Variants in AGMO observed in about 807,000 individuals in gnomAD.
AGMO encodes the protein glyceryl-ether monooxygenase.
A neutral mutation model predicts 60.2 loss-of-function variants in AGMO; 75 were observed. The ratio of observed to expected loss-of-function variants is 1.25; its 90% confidence interval spans 1.03 to 1.51. The LOEUF is 1.51. AGMO is among the 40% of genes most tolerant of loss of function. The probability of loss-of-function intolerance (pLI) is 0.00; values close to 1 mark genes in which losing one functional copy is unlikely to be tolerated. For synonymous variants in AGMO, 261 were observed against 177.1 expected, an observed-to-expected ratio of 1.47 and a Z score of -3.76; for missense variants, 763 against 525.5, an observed-to-expected ratio of 1.45 and a Z score of -4.42.
chr7:15,197,553 G>C (rs956081550), downstream of AGMO, among the ~76,000 whole-genome samples: 14 of 152,226 alleles, frequency 9.2e-5, no homozygotes, highest in African/African-American at 3.4e-4. Context: ...GATGGAATGA[G>C]ATGATATGGA....
intron 12 of AGMO, among the ~76,000 whole-genome samples, chr7:15,345,558 T>G (rs543975721): frequency 6.6e-6 from 1 of 152,362 alleles, no homozygotes; most frequent in Non-Finnish European, 1.5e-5. Flanking sequence ...AATTACTATT[T>G]TATTTGATCC....
chr7:15,122,899 T>G, the AGMO span, among the ~76,000 whole-genome samples: 50 of 152,064 alleles, frequency 3.3e-4, 1 homozygote, highest in Non-Finnish European at 6.6e-4. Flanking sequence ...TATAATCATG[T>G]CACTACTCTC....
the AGMO span, among the ~76,000 whole-genome samples, chr7:15,185,275 A>G: frequency 6.6e-6 from 1 of 152,168 alleles, no homozygotes; most frequent in South Asian, 2.1e-4. Context: ...AATATAAACT[A>G]AAAGATATAA....
At chr7:15,232,144 G>T (rs1563046229) in intron 12 of AGMO, among the ~76,000 whole-genome samples, 1 of 152,094 alleles carries the variant, frequency 6.6e-6, no homozygotes, top group Non-Finnish European at 1.5e-5. Flanking sequence ...CTATTAAAGA[G>T]ATCTTTTCAA....
chr7:15,394,115 T>G lies in AGMO; in HGVS notation c.674A>C (p.His225Pro). Residue 225 changes from histidine (H) to proline (P), a missense_variant and splice_region_variant, in exon 6 of 13, where the codon CAT (histidine) becomes CCT (proline). Coordinates refer to ENST00000342526, the MANE Select transcript of AGMO (RefSeq NM_001004320.2). ...GAGAAGAAACAAAACTTCCTTACCA[T>G]GATGAACCCTATGATGGCTAGGAGT... ...LNTPSHHRVH[H>P]GRNRYCIDKN... 6.2e-7 allele frequency: 1 copy of G among 1,609,356 alleles called. No individual in the cohort carries two copies. The highest frequency in any genetic ancestry group is 8.5e-7 in the Non-Finnish European group (1 of 1,176,472).
intron 3 of AGMO, among the ~76,000 whole-genome samples, chr7:15,533,747 G>A (rs559371063): frequency 2.6e-5 from 4 of 152,234 alleles, no homozygotes; most frequent in Non-Finnish European, 4.4e-5. Context: ...CAGATTTCTT[G>A]TTGATTTAAC....
At chr7:15,401,015 C>A (rs539753425) in intron 5 of AGMO, among the ~76,000 whole-genome samples, 7 of 151,836 alleles carry the variant, frequency 4.6e-5, no homozygotes, top group Non-Finnish European at 8.8e-5. Context: ...ATCTAGGTGA[C>A]CAGTCTGAAA....
intron 12 of AGMO, among the ~76,000 whole-genome samples, chr7:15,243,936 T>G (rs1426341945): frequency 6.6e-6 from 1 of 152,166 alleles, no homozygotes; most frequent in Non-Finnish European, 1.5e-5. Flanking sequence ...TGTTTTAATA[T>G]GGAATGATCT....
intron 3 of AGMO, among the ~76,000 whole-genome samples, chr7:15,461,773 G>C (rs1409015582): frequency 6.6e-6 from 1 of 152,034 alleles, no homozygotes; most frequent in African/African-American, 2.4e-5. Context: ...GGGCTGAAAA[G>C]CCACATATTT....
intron 3 of AGMO, among the ~76,000 whole-genome samples, chr7:15,491,408 C>T (rs914319792): frequency 4.6e-5 from 7 of 152,070 alleles, no homozygotes; most frequent in Non-Finnish European, 7.4e-5. Context: ...ATTCTAGTTG[C>T]CCTCCATTAG....
the AGMO span, among the ~76,000 whole-genome samples, chr7:15,130,179 C>T: frequency 6.6e-6 from 1 of 151,978 alleles, no homozygotes; most frequent in Admixed American, 6.6e-5. Flanking sequence ...GTCCACCCAG[C>T]TTTGTTTAGA....
At chr7:15,510,041 A>C (rs756208691) in intron 3 of AGMO, among the ~76,000 whole-genome samples, 96 of 152,190 alleles carry the variant, frequency 6.3e-4, no homozygotes, top group Non-Finnish European at 1.2e-3. Flanking sequence ...CTACCACATG[A>C]TACAGCAACC....
At chr7:15,284,377 G>C (rs76824027) in intron 12 of AGMO, among the ~76,000 whole-genome samples, 4,859 of 151,946 alleles carry the variant, frequency 0.032, 258 homozygotes, top group African/African-American at 0.11. Flanking sequence ...GATTAAAAAT[G>C]AAAATGAAGA....
intron 10 of AGMO, among the ~76,000 whole-genome samples, chr7:15,370,103 T>C (rs998636702): frequency 2.0e-5 from 3 of 152,176 alleles, no homozygotes; most frequent in Non-Finnish European, 4.4e-5. Context: ...GTCATCTTTA[T>C]GTCCAGGGTA....
At chr7:15,197,472 G>C (rs1781148730), downstream of AGMO, among the ~76,000 whole-genome samples, 1 of 152,188 alleles carries the variant, frequency 6.6e-6, no homozygotes, top group Admixed American at 6.5e-5. Context: ...TCTGATTCAT[G>C]ATTAGGAATG....
intron 10 of AGMO, among the ~76,000 whole-genome samples, chr7:15,378,926 C>T (rs1414714780): frequency 6.6e-6 from 1 of 152,042 alleles, no homozygotes; most frequent in Non-Finnish European, 1.5e-5. Context: ...TTTCAGACCA[C>T]AGCACAATTA....
intron 3 of AGMO, among the ~76,000 whole-genome samples, chr7:15,514,444 C>A (rs187037338): frequency 1.0e-3 from 157 of 152,260 alleles, no homozygotes; most frequent in African/African-American, 3.7e-3. Context: ...TTCATTTAAT[C>A]TCACCAAACG....
At chr7:15,339,338 A>G (rs1450620404) in intron 12 of AGMO, among the ~76,000 whole-genome samples, 1 of 152,174 alleles carries the variant, frequency 6.6e-6, no homozygotes, top group Non-Finnish European at 1.5e-5. Context: ...ATCCAAATGG[A>G]ATGCTGTCAT....
At position 15,261,963 on chromosome 7, in the gene AGMO, C is replaced by G. The variant is rs10236559; in HGVS notation, c.1264-60604G>C. On this transcript the variant is annotated intron_variant, in intron 12 of 12. Transcript: ENST00000342526. ...TCCAGCATCCCATTATGATTAAACCCTCAGAAAAACCAGCATAGAAGGGAC... is the reference window on the plus strand; with the variant it reads ...TCCAGCATCCCATTATGATTAAACCGTCAGAAAAACCAGCATAGAAGGGAC... Among the ~76,000 whole-genome samples, 967 of 152,014 alleles carry G rather than the reference C, an allele frequency of 6.4e-3. 8 individuals carry two copies. The highest frequency in any genetic ancestry group is 0.022 in the African/African-American group (916 of 41,492).
Sources: allele counts gnomAD v4.1 joint callset (sites outside exome capture counted in the v4.1 genomes callset), GRCh38; gene constraint gnomAD v4.1.1; transcripts MANE v1.5; gene names NCBI Gene and HGNC (gene_info 2026-07-23, HGNC 2026-07-21).